PDE1A: variants seen among roughly 807,000 people sequenced by gnomAD.
The protein encoded by PDE1A is phosphodiesterase 1A.
A neutral mutation model predicts 61.7 loss-of-function variants in PDE1A; 35 were observed. The ratio of observed to expected loss-of-function variants is 0.57; its 90% CI spans 0.43 to 0.75. PDE1A has a LOEUF of 0.75. PDE1A is among the 30% of genes least tolerant of loss of function. PDE1A has a pLI of 0.00. For missense variants in PDE1A, 597 were observed against 630.6 expected (o/e 0.95, Z 0.57); for synonymous variants, 232 against 213.2 (o/e 1.09, Z -0.77).
At chr2:182,461,241 T>A (rs189202470) in intron 2 of PDE1A, among the ~76,000 whole-genome samples, 347 of 152,220 alleles carry the variant, frequency 2.3e-3, no homozygotes, top group Middle Eastern at 6.8e-3. Flanking sequence ...TTCAACCACT[T>A]CCACTCTGGC....
chr2:182,342,246 T>A (rs1434378163), intron 1 of PDE1A, among the ~76,000 whole-genome samples: 1 of 152,196 alleles, frequency 6.6e-6, no homozygotes, highest in Non-Finnish European at 1.5e-5. Flanking sequence ...GAAAGTGTTG[T>A]TGTTGTTTGT....
chr2:182,677,263 C>A, the PDE1A span, among the ~76,000 whole-genome samples: 148 of 152,208 alleles, frequency 9.7e-4, 2 homozygotes, highest in South Asian at 5.4e-3. Context: ...TCCTATACAC[C>A]AACAACAACC....
At chr2:182,273,531 A>G (rs1038577246) in intron 1 of PDE1A, among the ~76,000 whole-genome samples, 3 of 151,978 alleles carry the variant, frequency 2.0e-5, no homozygotes, top group Non-Finnish European at 4.4e-5. Flanking sequence ...ACTAACTGAA[A>G]ACAGGCACAT....
chr2:182,387,786 A>G (rs916787315), intron 1 of PDE1A, among the ~76,000 whole-genome samples: 1 of 152,012 alleles, frequency 6.6e-6, no homozygotes, highest in African/African-American at 2.4e-5. Flanking sequence ...AAAAAGAAAG[A>G]AAGAATCACT....
At chr2:182,448,009 T>A (rs1242678426) in intron 2 of PDE1A, among the ~76,000 whole-genome samples, 1 of 152,104 alleles carries the variant, frequency 6.6e-6, no homozygotes, top group African/African-American at 2.4e-5. Flanking sequence ...AACTATGTGA[T>A]CTTGTTTCAC....
the PDE1A span, among the ~76,000 whole-genome samples, chr2:182,571,215 T>C: frequency 6.6e-6 from 1 of 152,190 alleles, no homozygotes; most frequent in Non-Finnish European, 1.5e-5. Context: ...ATTTTTAGTT[T>C]GCAATTCAAA....
At chr2:182,404,969 T>C (rs1230003990) in intron 1 of PDE1A, among the ~76,000 whole-genome samples, 1 of 152,250 alleles carries the variant, frequency 6.6e-6, no homozygotes, top group African/African-American at 2.4e-5. Context: ...TATTTTCAAG[T>C]ATTATGTACT....
At chr2:182,648,242 T>A in the PDE1A span, among the ~76,000 whole-genome samples, 3 of 152,120 alleles carry the variant, frequency 2.0e-5, no homozygotes, top group Non-Finnish European at 2.9e-5. Context: ...TGGGACATTC[T>A]GAGCCTTGCG....
chr2:182,548,005 A>C, the PDE1A span, among the ~76,000 whole-genome samples: 6 of 152,196 alleles, frequency 3.9e-5, no homozygotes, highest in Non-Finnish European at 8.8e-5. Context: ...CCTAAAATAA[A>C]ATCACAATTT....
At chr2:182,468,719 T>C (rs552141293) in intron 2 of PDE1A, among the ~76,000 whole-genome samples, 2 of 152,116 alleles carry the variant, frequency 1.3e-5, no homozygotes, top group South Asian at 4.1e-4. Context: ...TCACTATCTG[T>C]GGCAACTATA....
At position 182,248,268 on chromosome 2, in the gene PDE1A, A is replaced by AAG. The variant is rs759705449; in HGVS notation, c.168-7977_168-7976insCT. ...CAAGACTGTCAAAAAAAAAAAAAAAAGAAAAAAGCAATTCTTAAAACGTGC... is the reference window on the plus strand; with the variant it reads ...CAAGACTGTCAAAAAAAAAAAAAAAAAGGAAAAAAGCAATTCTTAAAACGTGC... On this transcript the variant is annotated intron_variant, in intron 2 of 13. Coordinates refer to ENST00000351439, the Ensembl canonical transcript of PDE1A. Among the ~76,000 whole-genome samples, 83 of 148,030 alleles carry AAG rather than the reference A, an allele frequency of 5.6e-4. 1 individual carries two copies. Among genetic ancestry groups the AAG allele is most frequent in the Middle Eastern group, 3.5e-3 (1 of 288 alleles).
chr2:182,475,488 AAAGG>A (rs1281025316), intron 2 of PDE1A, among the ~76,000 whole-genome samples: 1 of 152,076 alleles, frequency 6.6e-6, no homozygotes, highest in East Asian at 1.9e-4. Flanking sequence ...AAGCAGCTCC[AAAGG>A]GCTGGAATCC....
chr2:182,538,501 C>T, the PDE1A span, among the ~76,000 whole-genome samples: 1 of 152,032 alleles, frequency 6.6e-6, no homozygotes, highest in Non-Finnish European at 1.5e-5. Context: ...TATTTTTTCT[C>T]CAATTTTTTT....
intron 1 of PDE1A, among the ~76,000 whole-genome samples, chr2:182,299,802 C>T (rs1243810252): frequency 2.6e-5 from 4 of 152,114 alleles, no homozygotes; most frequent in East Asian, 1.9e-4. Flanking sequence ...CTTGATTATA[C>T]ACCAAGATTG....
At chr2:182,282,568 A>T (rs1693881112) in intron 1 of PDE1A, among the ~76,000 whole-genome samples, 1 of 151,988 alleles carries the variant, frequency 6.6e-6, no homozygotes. Flanking sequence ...CAAACATCCC[A>T]ATATTTGTAG....
At chr2:182,612,477 A>G in the PDE1A span, among the ~76,000 whole-genome samples, 23 of 152,342 alleles carry the variant, frequency 1.5e-4, no homozygotes, top group Non-Finnish European at 3.1e-4. Flanking sequence ...TGAGCACCCT[A>G]GGCTATGACA....
intron 1 of PDE1A, among the ~76,000 whole-genome samples, chr2:182,308,017 C>T (rs2623409): frequency 0.93 from 141,590 of 152,238 alleles, 66,416 homozygotes; most frequent in East Asian, 0.99. Context: ...TAAATATAAT[C>T]GTTTTTTAAC....
upstream of PDE1A, among the ~76,000 whole-genome samples, chr2:182,523,618 A>G (rs985736232): frequency 6.6e-6 from 1 of 152,228 alleles, no homozygotes; most frequent in African/African-American, 2.4e-5. Context: ...AGGTAGAGAC[A>G]TTCAAAGATT....
At chr2:182,686,588 C>G in the PDE1A span, among the ~76,000 whole-genome samples, 4 of 152,348 alleles carry the variant, frequency 2.6e-5, no homozygotes, top group East Asian at 7.7e-4. Flanking sequence ...CTCCAGTCTA[C>G]AGCTCCCAGT....
Sources: allele counts gnomAD v4.1 joint callset (sites outside exome capture counted in the v4.1 genomes callset), GRCh38; gene constraint gnomAD v4.1.1; transcripts MANE v1.5; gene names NCBI Gene and HGNC (gene_info 2026-07-23, HGNC 2026-07-21).